Variants in IGBP1 observed in about 807,000 individuals in gnomAD.
IGBP1 encodes immunoglobulin binding protein 1.
Under a neutral mutation model 25.9 loss-of-function variants are expected in IGBP1, and 2 were observed. The ratio of observed to expected loss-of-function variants is 0.08; its 90% CI spans 0.03 to 0.24. The LOEUF (loss-of-function observed/expected upper bound fraction) is 0.24. IGBP1 is among the 10% of genes least tolerant of loss of function. The probability of loss-of-function intolerance (pLI) is 1.00; values close to 1 mark genes in which losing one functional copy is unlikely to be tolerated. For synonymous variants in IGBP1, 96 were observed against 93.4 expected (o/e 1.03, Z -0.16); for missense variants, 187 against 260.4 (o/e 0.72, Z 1.94).
At chrX:70,161,034 A>AAC (rs201337314) in intron 6 of IGBP1, among the ~76,000 whole-genome samples, 11 of 111,166 alleles carry the variant, frequency 9.9e-5, no homozygotes, top group African/African-American at 2.9e-4. Context: ...TTTAAAACTA[A>AAC]ACACACACAC....
chrX:70,133,888 CT>C lies in IGBP1; in HGVS notation c.-57del, dbSNP rs775929162. 61 of 1,079,137 alleles carry C rather than the reference CT, an allele frequency of 5.7e-5. No homozygotes were observed. The highest frequency in any genetic ancestry group is 2.4e-4 in the Middle Eastern group (1 of 4,101). The allele number at this position is 1,079,137 out of a possible 1,213,427, so 88.9% of individuals were successfully genotyped here. ...TTTTGTCCGCGCTCGCCTAATTCTTCTTTATCAAGGTTGCCTTTGACCCCGG... is the reference window on the plus strand; with the variant it reads ...TTTTGTCCGCGCTCGCCTAATTCTTCTTATCAAGGTTGCCTTTGACCCCGG... On this transcript the variant is annotated 5_prime_UTR_variant, in exon 2 of 7. It introduces an in-frame stop codon into an upstream open reading frame of the 5' UTR. Transcript: ENST00000356413.
intron 3 of IGBP1, among the ~76,000 whole-genome samples, chrX:70,143,143 C>T (rs2085142727): frequency 9.0e-6 from 1 of 110,745 alleles, no homozygotes; most frequent in South Asian, 3.8e-4. Flanking sequence ...AGGATGGTCT[C>T]GATCTCCTGA....
Position 70,151,709 on chromosome X carries a change from C to G in IGBP1, c.871+1387C>G, listed in dbSNP as rs1031948991. On this transcript the variant is annotated intron_variant, in intron 6 of 6. Coordinates refer to ENST00000356413, the MANE Select transcript of IGBP1 (RefSeq NM_001551.3). ...CCTGAGCAATATGGCGAAACCCCGTCGCTACCAAAAATACAAAAACCAGCC... is the reference window on the plus strand; with the variant it reads ...CCTGAGCAATATGGCGAAACCCCGTGGCTACCAAAAATACAAAAACCAGCC... Among the ~76,000 whole-genome samples, 3 of 110,598 alleles carry G rather than the reference C, an allele frequency of 2.7e-5. No homozygotes were observed. The Admixed American group carries it at 2.9e-4, about 11-fold the overall frequency.
intron 3 of IGBP1, among the ~76,000 whole-genome samples, chrX:70,136,704 A>C (rs2085096738): frequency 9.5e-6 from 1 of 105,055 alleles, no homozygotes; most frequent in Non-Finnish European, 1.9e-5. Context: ...TTTCTTTATT[A>C]TTATTATTAT....
chrX:70,160,040 G>A (rs923799969), intron 6 of IGBP1, among the ~76,000 whole-genome samples: 1 of 111,315 alleles, frequency 9.0e-6, no homozygotes, highest in Non-Finnish European at 1.9e-5. Context: ...ATTAGCCAAG[G>A]CTGTGTTTCC....
At chrX:70,149,274 T>G (rs1401640996) in intron 5 of IGBP1, among the ~76,000 whole-genome samples, 1 of 111,013 alleles carries the variant, frequency 9.0e-6, no homozygotes, top group Non-Finnish European at 1.9e-5. Flanking sequence ...GAAGTTGTTC[T>G]TTTATCTAAG....
intron 3 of IGBP1, among the ~76,000 whole-genome samples, chrX:70,146,039 G>C (rs1188848980): frequency 2.7e-5 from 3 of 111,797 alleles, no homozygotes; most frequent in Non-Finnish European, 3.8e-5. Context: ...TCACACAATA[G>C]GTACTCAGTA....
chrX:70,142,945 CAG>C (rs2085140694), intron 3 of IGBP1, among the ~76,000 whole-genome samples: 1 of 69,588 alleles, frequency 1.4e-5, no homozygotes, highest in Non-Finnish European at 2.5e-5. Context: ...TTTTGTGAGA[CAG>C]AGTTTCACTC....
At chrX:70,149,266 AGTT>A (rs1399592279) in intron 5 of IGBP1, among the ~76,000 whole-genome samples, 1 of 110,211 alleles carries the variant, frequency 9.1e-6, no homozygotes, top group Non-Finnish European at 1.9e-5. Flanking sequence ...CACTTACGGA[AGTT>A]GTTCTTTTAT....
Position 70,134,002 on chromosome X carries a change from G to T in IGBP1, c.55G>T (p.Gly19Cys). ...GCGGCTCCCCGAGCTGTTCGAAACTGGTAGACAGTTACTGGACGAAGTAGA... is the reference window on the plus strand; with the variant it reads ...GCGGCTCCCCGAGCTGTTCGAAACTTGTAGACAGTTACTGGACGAAGTAGA... ...LPRLPELFET[G>C]RQLLDEVEVA... Residue 19 changes from glycine (G) to cysteine (C), a missense_variant, in exon 2 of 7, where the codon GGT becomes TGT. Coordinates refer to ENST00000356413, the MANE Select transcript of IGBP1 (RefSeq NM_001551.3). 1 of 1,210,163 alleles carries T rather than the reference G, an allele frequency of 8.3e-7. No homozygotes were observed. Among genetic ancestry groups the T allele is most frequent in the Middle Eastern group, 2.3e-4 (1 of 4,352 alleles).
intron 5 of IGBP1, 126 bp from the exon 6 acceptor site, chrX:70,150,084 G>C (rs2085192963): frequency 3.8e-6 from 2 of 522,969 alleles, no homozygotes; most frequent in Non-Finnish European, 3.5e-6. Context: ...AAGTTGACTG[G>C]GTAGGGAACA....
rs1233119718 is a variant in IGBP1 at position 70,150,341 on chromosome X, G to C, written c.871+19G>C. On this transcript the variant is annotated intron_variant, in intron 6 of 6. Coordinates refer to ENST00000356413, the MANE Select transcript of IGBP1 (RefSeq NM_001551.3). ...GCACCAGGTATGACGGGGTAGGAGG[G>C]AAATAGTTGTACCACTGGTCTTTTA... 7 of 983,173 alleles carry C rather than the reference G, an allele frequency of 7.1e-6. No homozygotes were observed. The highest frequency in any genetic ancestry group is 2.2e-5 in the Admixed American group (1 of 45,251). 81.0% of individuals were successfully genotyped at this position (983,173 alleles called of 1,213,427 possible). A position where few individuals can be genotyped will look rare whatever the true frequency, so the allele number is the denominator to read the frequency against.
intron 3 of IGBP1, among the ~76,000 whole-genome samples, chrX:70,139,666 T>A (rs779265744): frequency 6.8e-4 from 76 of 111,895 alleles, no homozygotes; most frequent in Non-Finnish European, 3.4e-4. Flanking sequence ...AGGATTTAGC[T>A]TCAATTCCTC....
At chrX:70,136,088 G>A (rs1481496443) in intron 3 of IGBP1, among the ~76,000 whole-genome samples, 1 of 111,649 alleles carries the variant, frequency 9.0e-6, no homozygotes, top group Non-Finnish European at 1.9e-5. Flanking sequence ...GTGGCTAAGA[G>A]TATGGGTCAT....
At chrX:70,150,363 T>C (rs1326829584) in intron 6 of IGBP1, 41 bp downstream of exon 6, 1 of 837,922 alleles carries the variant, frequency 1.2e-6, no homozygotes, top group Non-Finnish European at 1.8e-6. Context: ...CCACTGGTCT[T>C]TTACTCCCTG....
chrX:70,161,394 A>G (rs1819162259), intron 6 of IGBP1, among the ~76,000 whole-genome samples: 1 of 111,567 alleles, frequency 9.0e-6, no homozygotes, highest in Non-Finnish European at 1.9e-5. Flanking sequence ...CTTGGTTTCT[A>G]ATACCATCCT....
intron 6 of IGBP1, chrX:70,164,266 C>G (rs961036583): frequency 1.6e-4 from 18 of 111,305 alleles, no homozygotes; most frequent in African/African-American, 5.6e-4. Flanking sequence ...GGTGATGATG[C>G]TAAGTGAAAG....
At chrX:70,158,448 T>A (rs2085253374) in intron 6 of IGBP1, among the ~76,000 whole-genome samples, 1 of 111,885 alleles carries the variant, frequency 8.9e-6, no homozygotes, top group Admixed American at 9.5e-5. Context: ...AGGGAGCCCT[T>A]ATGAAGTTAG....
In IGBP1 at chrX:70,165,964, C is replaced by T; in HGVS notation, c.1003C>T (p.Arg335Ter). Residue 335 changes from arginine (R) to a stop codon, truncating the protein, a stop_gained, in exon 7 of 7, where the codon CGA (arginine) becomes TGA (stop). Transcript: ENST00000356413. LOFTEE classifies it high-confidence loss of function. ...KDTHPRGYGN[R>*]QNMG is the part of the protein sequence containing the mutation. ...CACCCATCCTAGGGGCTATGGGAAC[C>T]GACAGAACATGGGCTGATCTTCCCA... 1 of 1,211,147 alleles carries T rather than the reference C, an allele frequency of 8.3e-7. No homozygotes were observed. The highest frequency in any genetic ancestry group is 1.1e-6 in the Non-Finnish European group (1 of 895,161).
Sources: allele counts gnomAD v4.1 joint callset (sites outside exome capture counted in the v4.1 genomes callset), GRCh38; gene constraint gnomAD v4.1.1; transcripts MANE v1.5; gene names NCBI Gene and HGNC (gene_info 2026-07-23, HGNC 2026-07-21).